ANKHD1: variants seen among roughly 807,000 people sequenced by gnomAD.
ANKHD1 encodes ankyrin repeat and KH domain-containing protein 1.
A neutral mutation model predicts 230.5 loss-of-function variants in ANKHD1; 31 were observed. The ratio of observed to expected loss-of-function variants is 0.13; its 90% CI spans 0.10 to 0.18. ANKHD1 has a LOEUF of 0.18. Ranked by LOEUF, ANKHD1 falls within the 10% of genes least tolerant of loss-of-function variation. The pLI is 1.00. For synonymous variants in ANKHD1, 1,074 were observed against 1,117.6 expected, an observed-to-expected ratio of 0.96 and a Z score of 0.78; for missense variants, 2,256 against 3,071.3, an observed-to-expected ratio of 0.73 and a Z score of 6.27.
chr5:140,446,463 T>C (rs966815547), intron 6 of ANKHD1, among the ~76,000 whole-genome samples: 4 of 152,078 alleles, frequency 2.6e-5, no homozygotes, highest in African/African-American at 9.7e-5. Flanking sequence ...TGGGCTCAAG[T>C]GATTCTCGTA....
intron 9 of ANKHD1, among the ~76,000 whole-genome samples, chr5:140,459,623 A>G (rs1196601428): frequency 6.6e-6 from 1 of 152,118 alleles, no homozygotes; most frequent in East Asian, 1.9e-4. Context: ...CAAAATTGCT[A>G]AGAGTAGATT....
chr5:140,508,334 G>A (rs999806515), intron 20 of ANKHD1, among the ~76,000 whole-genome samples: 2 of 152,206 alleles, frequency 1.3e-5, no homozygotes, highest in East Asian at 3.8e-4. Context: ...AATGAGGTAT[G>A]TGCTTATCAT....
Position 140,436,084 on chromosome 5 carries a change from C to T in ANKHD1, c.307-20C>T. On this transcript the variant is annotated intron_variant, in intron 1 of 33. Transcript: ENST00000360839. ...ATTGATATCAGTTTCATGGATATTG[C>T]ATCTTTATTTCATTAACAGGTTGAA... is the stretch of plus-strand genomic sequence containing the variant. 6.6e-7 allele frequency: 1 copy of T among 1,512,754 alleles called. No individual in the cohort carries two copies. The highest frequency in any genetic ancestry group is 8.9e-7 in the Non-Finnish European group (1 of 1,129,508). The allele number at this position is 1,512,754 out of a possible 1,614,324, so 93.7% of individuals were successfully genotyped here.
Position 140,538,165 on chromosome 5 carries a change from C to G in ANKHD1, c.7308C>G (p.Ser2436=). ...HQQLSDPSTF[S]QHQPMERDDS... Reference sequence around the variant, plus strand: ...AATTATCAGACCCAAGCACATTCTCCCAACATCAGCCAATGGAGAGAGATG... The same window carrying G: ...AATTATCAGACCCAAGCACATTCTCGCAACATCAGCCAATGGAGAGAGATG... The change falls in exon 32 of 34, where the codon TCC becomes TCG. Residue 2436 remains serine (S), a synonymous_variant. Coordinates refer to ENST00000360839, the MANE Select transcript of ANKHD1 (RefSeq NM_017747.3). The G allele has an allele frequency of 6.2e-7, 1 of 1,614,154 alleles. No individual in the cohort carries two copies. Among genetic ancestry groups the G allele is most frequent in the Non-Finnish European group, 8.5e-7 (1 of 1,180,012 alleles).
At position 140,503,553 on chromosome 5, in the gene ANKHD1, C is replaced by CTTTTTTTT. The variant is rs70988767; in HGVS notation, c.3005-1243_3005-1236dup. On this transcript the variant is annotated intron_variant, in intron 15 of 33. Transcript: ENST00000360839. ...AATTTCTTTTAACTCAGTTTTCTTT[C>CTTTTTTTT]TTTTTTTTTTTTTTTTTTTTTTTTT... 5.8e-3 allele frequency among the ~76,000 whole-genome samples: 300 copies of CTTTTTTTT among 51,430 alleles called. 34 individuals are homozygous for CTTTTTTTT. Among genetic ancestry groups the CTTTTTTTT allele is most frequent in the Middle Eastern group, 0.028 (1 of 36 alleles). The allele number at this position is 51,430 out of a possible 152,430, so 33.7% of individuals were successfully genotyped here.
intron 11 of ANKHD1, among the ~76,000 whole-genome samples, chr5:140,483,271 CCTAA>C (rs1282457347): frequency 2.0e-5 from 3 of 152,052 alleles, no homozygotes; most frequent in East Asian, 3.9e-4. Flanking sequence ...TTTGGTTCAG[CCTAA>C]CTCTTTGTAT....
chr5:140,452,228 C>T (rs1195417917), intron 7 of ANKHD1, among the ~76,000 whole-genome samples: 1 of 152,198 alleles, frequency 6.6e-6, no homozygotes, highest in Non-Finnish European at 1.5e-5. Flanking sequence ...CTAGGAAGCT[C>T]AAACTGGGTG....
rs2127058303 is a variant in ANKHD1 at position 140,509,697 on chromosome 5, C to G, written c.3826C>G (p.Leu1276Val). ...AGGGTATGCAGAGGTTGGAAGAGTT[C>G]TTCTTGATAAAGGAGCAGATGTTAA... ...SGGYAEVGRVLLDKGADVNAP... is the reference protein window; with the variant it reads ...SGGYAEVGRVVLDKGADVNAP... The change falls in exon 21 of 34, where the codon CTT becomes GTT. Residue 1276 changes from leucine (L) to valine (V), a missense_variant. By Grantham distance (32) the Leu-to-Val change is conservative. Coordinates refer to ENST00000360839, the MANE Select transcript of ANKHD1 (RefSeq NM_017747.3). The G allele has an allele frequency of 1.2e-6, 2 of 1,613,234 alleles. No individual in the cohort carries two copies. Among genetic ancestry groups the G allele is most frequent in the Non-Finnish European group, 1.7e-6 (2 of 1,179,712 alleles).
rs1477728564 is a variant in ANKHD1 at position 140,505,195 on chromosome 5, T to C, written c.3224T>C (p.Ile1075Thr). Residue 1075 changes from isoleucine (I) to threonine (T), a missense_variant, in exon 17 of 34, where the codon ATT becomes ACT. By Grantham distance (89) the Ile-to-Thr change is moderately conservative. Around this residue, in one of 13 missense-constraint regions of ANKHD1, gnomAD observed 63 missense variants for 125.5 expected, o/e 0.50. Coordinates refer to ENST00000360839, the MANE Select transcript of ANKHD1 (RefSeq NM_017747.3). ...CATGAAGAACTTGTATCTGTGCTCA[T>C]TGCACGGGATGCCAAAATTGAACAC... ...GGHEELVSVL[I>T]ARDAKIEHRD... 1 of 1,614,162 alleles carries C rather than the reference T, an allele frequency of 6.2e-7. No individual in the cohort carries two copies. Among genetic ancestry groups the C allele is most frequent in the Admixed American group, 1.7e-5 (1 of 60,032 alleles).
At chr5:140,421,600 C>T (rs1295859691) in intron 1 of ANKHD1, among the ~76,000 whole-genome samples, 4 of 152,128 alleles carry the variant, frequency 2.6e-5, no homozygotes, top group Admixed American at 2.0e-4. Flanking sequence ...CGTGCCCGGC[C>T]GAGTTTTTGC....
rs1561816766 is a variant in ANKHD1 at position 140,513,497 on chromosome 5, T to C, written c.4317+18T>C. 3 of 1,608,734 alleles carry C rather than the reference T, an allele frequency of 1.9e-6. No individual in the cohort carries two copies. The highest frequency in any genetic ancestry group is 1.7e-6 in the Non-Finnish European group (2 of 1,177,578). The stretch of plus-strand genomic sequence containing the variant: ...TGGAAAAGGTGAGTGGGAAAAATAA[T>C]TTTCCTTTTTAGAAATTATTGAGGG... On this transcript the variant is annotated intron_variant, in intron 24 of 33. Coordinates refer to ENST00000360839, the MANE Select transcript of ANKHD1 (RefSeq NM_017747.3).
rs761257889 is a variant in ANKHD1, at chr5:140,402,180, G to T, written c.213G>T (p.Gly71=). Residue 71 remains glycine (G), a synonymous_variant, in exon 1 of 34, where the codon GGG becomes GGT. Coordinates refer to ENST00000360839, the MANE Select transcript of ANKHD1 (RefSeq NM_017747.3). ...GGGSGSGTGG[G]DAALDFKLAA... is the part of the protein sequence containing the mutation. Reference sequence around the variant, plus strand: ...GCAGCGGCAGCGGTACGGGCGGAGGGGACGCGGCGCTGGATTTCAAGTTGG... The same window carrying T: ...GCAGCGGCAGCGGTACGGGCGGAGGTGACGCGGCGCTGGATTTCAAGTTGG... 9.8e-5 allele frequency: 149 copies of T among 1,525,206 alleles called. No individual in the cohort carries two copies. Among genetic ancestry groups the T allele is most frequent in the Non-Finnish European group, 1.3e-4 (145 of 1,141,046 alleles). 94.5% of individuals were successfully genotyped at this position (1,525,206 alleles called of 1,614,324 possible).
At chr5:140,415,215 C>A (rs1771263808) in intron 1 of ANKHD1, among the ~76,000 whole-genome samples, 1 of 151,294 alleles carries the variant, frequency 6.6e-6, no homozygotes, top group Non-Finnish European at 1.5e-5. Context: ...AATCCCATCT[C>A]TACTAAAAAA....
At position 140,529,463 on chromosome 5, in the gene ANKHD1, C is replaced by G. The variant is rs545838192; in HGVS notation, c.6517C>G (p.Pro2173Ala). The G allele has an allele frequency of 1.9e-6, 3 of 1,614,170 alleles. No individual in the cohort carries two copies. Among genetic ancestry groups the G allele is most frequent in the Non-Finnish European group, 2.5e-6 (3 of 1,180,040 alleles). Residue 2173 changes from proline to alanine, a missense_variant, in exon 29 of 34, where the codon CCA (proline) becomes GCA (alanine). Pro to Ala is a conservative substitution (Grantham distance 27, BLOSUM62 -1). Around this residue, in one of 13 missense-constraint regions of ANKHD1, gnomAD observed 778 missense variants for 966.5 expected, o/e 0.80. Coordinates refer to ENST00000360839, the MANE Select transcript of ANKHD1 (RefSeq NM_017747.3). The part of the protein sequence containing the change: ...NPVTLTPPQG[P>A]PAAVQLSSAV... ...AGTTACTTTAACACCACCTCAAGGCCCACCAGCTGCAGTGCAGCTTTCTTC... is the reference window on the plus strand; with the variant it reads ...AGTTACTTTAACACCACCTCAAGGCGCACCAGCTGCAGTGCAGCTTTCTTC...
chr5:140,438,463 A>G lies in ANKHD1; in HGVS notation c.463A>G (p.Ile155Val), dbSNP rs751885014. The part of the protein sequence containing the change: ...RLEALLEAAG[I>V]GKLSTADGKA... Reference sequence around the variant, plus strand: ...TGATTGATTGATGCACACTGAAGGAATTGGCAAATTGTCAACTGCTGATGG... The same window carrying G: ...TGATTGATTGATGCACACTGAAGGAGTTGGCAAATTGTCAACTGCTGATGG... The change falls in exon 3 of 34, where the codon ATT becomes GTT. Residue 155 changes from isoleucine (I) to valine (V), a missense_variant and splice_region_variant. Transcript: ENST00000360839. 1.2e-6 allele frequency: 2 copies of G among 1,603,676 alleles called. No homozygotes were observed. Among genetic ancestry groups the G allele is most frequent in the Middle Eastern group, 3.3e-4 (2 of 6,008 alleles).
chr5:140,534,275 C>T (rs1753976228), intron 29 of ANKHD1, among the ~76,000 whole-genome samples: 1 of 152,142 alleles, frequency 6.6e-6, no homozygotes, highest in Middle Eastern at 3.4e-3. Flanking sequence ...GCCTGTAGTC[C>T]CAGCTACTTG....
In ANKHD1 at chr5:140,458,621, G is replaced by C. The variant is rs964969989; in HGVS notation, c.1243-4G>C. The C allele has an allele frequency of 5.1e-6, 8 of 1,571,844 alleles. No homozygotes were observed. The highest frequency in any genetic ancestry group is 6.9e-6 in the Non-Finnish European group (8 of 1,151,106). On this transcript the variant is annotated splice_region_variant and splice_polypyrimidine_tract_variant and intron_variant, in intron 7 of 33. Coordinates refer to ENST00000360839, the MANE Select transcript of ANKHD1 (RefSeq NM_017747.3). ...CTTCTTTCTTTACTTCTGAAAATCT[G>C]CAGGATGGACATGTAGAGGTGGCAC...
At chr5:140,467,457 G>A (rs986032883) in intron 10 of ANKHD1, among the ~76,000 whole-genome samples, 1 of 152,132 alleles carries the variant, frequency 6.6e-6, no homozygotes, top group Non-Finnish European at 1.5e-5. Context: ...TGCTGGGCTT[G>A]TAGTCCTAGC....
At chr5:140,415,940 C>T (rs1771342014) in intron 1 of ANKHD1, among the ~76,000 whole-genome samples, 1 of 152,024 alleles carries the variant, frequency 6.6e-6, no homozygotes, top group South Asian at 2.1e-4. Flanking sequence ...CTTCCCCCTC[C>T]CCTGACCCCA....
Sources: allele counts gnomAD v4.1 joint callset (sites outside exome capture counted in the v4.1 genomes callset), GRCh38; gene constraint gnomAD v4.1.1; regional missense constraint gnomAD v4.1.1; transcripts MANE v1.5; gene names NCBI Gene and HGNC (gene_info 2026-07-23, HGNC 2026-07-21).